The following RPH3A variants were observed in gnomAD, a reference collection of about 807,000 sequenced individuals.
RPH3A encodes the protein rabphilin 3A.
RPH3A carries 48 observed loss-of-function variants against 102.2 expected under a neutral mutation model. The observed-to-expected ratio is 0.47, with a 90% confidence interval of 0.37 to 0.60. The LOEUF is 0.60. Among genes scored for constraint, RPH3A ranks in the 20% least tolerant of loss-of-function variants. RPH3A has a pLI of 0.00. For missense variants in RPH3A, 781 were observed against 910.1 expected (o/e 0.86, Z 1.83); for synonymous variants, 310 against 324.3 (o/e 0.96, Z 0.47).
At chr12:112,666,952 G>A (rs185739060) in intron 1 of RPH3A, among the ~76,000 whole-genome samples, 1 of 152,206 alleles carries the variant, frequency 6.6e-6, no homozygotes. Flanking sequence ...CTGATCCTGT[G>A]TACCTACAAC....
intron 5 of RPH3A, among the ~76,000 whole-genome samples, chr12:112,860,752 G>T (rs1300068793): frequency 6.6e-6 from 1 of 152,254 alleles, no homozygotes; most frequent in South Asian, 2.1e-4. Context: ...CCAGGCAAGC[G>T]GCCCACTCTC....
intron 1 of RPH3A, among the ~76,000 whole-genome samples, chr12:112,754,053 A>G (rs563038990): frequency 1.4e-4 from 22 of 152,188 alleles, no homozygotes; most frequent in Non-Finnish European, 2.9e-4. Flanking sequence ...TCTCCCCTAG[A>G]GCCCACAGAA....
chr12:112,632,559 C>T (rs570491462), intron 1 of RPH3A, among the ~76,000 whole-genome samples: 1 of 152,334 alleles, frequency 6.6e-6, no homozygotes, highest in East Asian at 1.9e-4. Context: ...GACAAACCCA[C>T]TGTCCTTGGA....
chr12:112,827,743 T>C (rs891493351), intron 2 of RPH3A, among the ~76,000 whole-genome samples: 1 of 151,944 alleles, frequency 6.6e-6, no homozygotes, highest in South Asian at 2.1e-4. Flanking sequence ...CACCGGGGCC[T>C]ATCCTGGGGT....
intron 1 of RPH3A, among the ~76,000 whole-genome samples, chr12:112,622,769 A>G (rs1433180143): frequency 6.9e-6 from 1 of 143,976 alleles, no homozygotes; most frequent in Non-Finnish European, 1.5e-5. Context: ...GATTCACCAA[A>G]GTTGAAATGA....
At chr12:112,576,031 A>G (rs1389604308) in intron 1 of RPH3A, among the ~76,000 whole-genome samples, 1 of 152,210 alleles carries the variant, frequency 6.6e-6, no homozygotes, top group African/African-American at 2.4e-5. Context: ...CCTAGTTTCA[A>G]CTACGCACCA....
intron 1 of RPH3A, among the ~76,000 whole-genome samples, chr12:112,631,161 T>C (rs1421856139): frequency 6.6e-6 from 1 of 152,204 alleles, no homozygotes; most frequent in Non-Finnish European, 1.5e-5. Flanking sequence ...ATGTGGTCTC[T>C]GCTTTAATCT....
Position 112,896,820 on chromosome 12 carries a change from C to G in RPH3A, c.*40C>G. 6.2e-7 allele frequency: 1 copy of G among 1,611,118 alleles called. No homozygotes were observed. Among genetic ancestry groups the G allele is most frequent in the Non-Finnish European group, 8.5e-7 (1 of 1,178,706 alleles). The stretch of plus-strand genomic sequence containing the variant: ...CCCCATCTCCATGTCCCGGGTCCCC[C>G]CCAGCCTGCTCTAGCTGCCCACCGC... On this transcript the variant is annotated 3_prime_UTR_variant, in exon 22 of 22. Transcript: ENST00000389385.
At chr12:112,694,326 T>A (rs1011969808) in intron 1 of RPH3A, among the ~76,000 whole-genome samples, 2 of 152,314 alleles carry the variant, frequency 1.3e-5, no homozygotes, top group East Asian at 3.9e-4. Context: ...TGAGGTTTTA[T>A]GCACACGAGG....
rs370988879 is a variant in RPH3A, at chr12:112,698,874, C to CCTTCCG, written c.-139-93264_-139-93263insGCTTCC. Among the ~76,000 whole-genome samples, 262 of 149,992 alleles carry CCTTCCG rather than the reference C, an allele frequency of 1.7e-3. 3 individuals are homozygous for CCTTCCG. Among genetic ancestry groups the CCTTCCG allele is most frequent in the African/African-American group, 6.2e-3 (252 of 40,430 alleles). On this transcript the variant is annotated intron_variant, in intron 1 of 21. Transcript: ENST00000543106. ...TCCTTCTCCTTCCCCTTCCCCTTCC[C>CCTTCCG]CTTCCCCTTCCGCTTCCCTTTCCCC...
intron 5 of RPH3A, among the ~76,000 whole-genome samples, chr12:112,852,087 A>T (rs1283957235): frequency 6.6e-6 from 1 of 152,202 alleles, no homozygotes; most frequent in Non-Finnish European, 1.5e-5. Flanking sequence ...ACTCAGCTGC[A>T]TTCAGTCAGT....
chr12:112,681,732 A>T (rs2040227550), intron 1 of RPH3A, among the ~76,000 whole-genome samples: 1 of 152,242 alleles, frequency 6.6e-6, no homozygotes, highest in African/African-American at 2.4e-5. Context: ...AAAGAATGAG[A>T]TAAAAATGAA....
In RPH3A at chr12:112,597,510, T is replaced by C. The variant is rs148264126; in HGVS notation, c.-140+22191T>C. 2.6e-5 allele frequency among the ~76,000 whole-genome samples: 4 copies of C among 152,224 alleles called. No individual in the cohort carries two copies. In the East Asian group the frequency reaches 7.7e-4, roughly 29 times the overall value. On this transcript the variant is annotated intron_variant, in intron 1 of 21. Coordinates refer to the RPH3A transcript ENST00000543106. ...GCCTTGGGAGGCTGAGGTGGGATGA[T>C]CACCTGCGTCTGGGAGGTTGTGGCT...
intron 1 of RPH3A, among the ~76,000 whole-genome samples, chr12:112,746,023 T>G (rs2040743011): frequency 2.0e-5 from 3 of 152,222 alleles, no homozygotes; most frequent in African/African-American, 7.2e-5. Flanking sequence ...TTTTCTCTTC[T>G]TAAAGAGTGA....
intron 1 of RPH3A, chr12:112,718,235 G>A (rs1215387023): frequency 6.6e-6 from 1 of 152,198 alleles, no homozygotes; most frequent in African/African-American, 2.4e-5. Context: ...AGCAGTATAT[G>A]TTGACCTATT....
At chr12:112,774,221 T>C (rs2040948968) in intron 1 of RPH3A, among the ~76,000 whole-genome samples, 1 of 152,104 alleles carries the variant, frequency 6.6e-6, no homozygotes, top group South Asian at 2.1e-4. Context: ...TGTATGTATA[T>C]GTACAGAGAT....
chr12:112,608,809 C>A (rs1173705040), intron 1 of RPH3A, among the ~76,000 whole-genome samples: 1 of 152,206 alleles, frequency 6.6e-6, no homozygotes, highest in Non-Finnish European at 1.5e-5. Flanking sequence ...TGGATGCTAA[C>A]TTTTCATCAG....
At chr12:112,579,692 C>A (rs749465388) in intron 1 of RPH3A, among the ~76,000 whole-genome samples, 15 of 152,238 alleles carry the variant, frequency 9.9e-5, no homozygotes, top group Non-Finnish European at 1.6e-4. Context: ...TCCCTAGAGA[C>A]AACTACTGCC....
intron 1 of RPH3A, among the ~76,000 whole-genome samples, chr12:112,720,747 C>T (rs544708943): frequency 1.3e-5 from 2 of 152,298 alleles, no homozygotes; most frequent in Admixed American, 1.3e-4. Flanking sequence ...ATATTCCAAT[C>T]CTATGCTTGT....
Sources: gnomAD v4.1 joint callset for allele counts (sites outside exome capture counted in the v4.1 genomes callset) on GRCh38, gnomAD v4.1.1 for gene constraint, MANE v1.5 for transcripts, NCBI Gene and HGNC (gene_info 2026-07-23, HGNC 2026-07-21) for gene names.